The following CFDP1 variants were observed in gnomAD, a reference collection of about 807,000 sequenced individuals.
CFDP1 encodes chromatin remodeling protein CFDP1.
CFDP1 carries 31 observed loss-of-function variants against 40.1 expected under a neutral mutation model. The ratio of observed to expected loss-of-function variants is 0.77; its 90% confidence interval spans 0.58 to 1.04. CFDP1 has a LOEUF of 1.04. Among genes scored for constraint, CFDP1 ranks in the 50% least tolerant of loss-of-function variants. CFDP1 has a pLI of 0.00. For missense variants in CFDP1, 423 were observed against 343.4 expected (o/e 1.23, Z -1.83); for synonymous variants, 167 against 120.0 (o/e 1.39, Z -2.56).
intron 5 of CFDP1, among the ~76,000 whole-genome samples, chr16:75,321,351 T>G (rs1425913736): frequency 1.3e-5 from 2 of 152,150 alleles, no homozygotes; most frequent in Non-Finnish European, 2.9e-5. Flanking sequence ...ACTCAGTGGT[T>G]TTTAGTATAT....
chr16:75,406,841 A>G (rs980759313), intron 4 of CFDP1: 2 of 151,978 alleles, frequency 1.3e-5, no homozygotes, highest in Non-Finnish European at 2.9e-5. Context: ...CCTGGTCAAC[A>G]TGGTGACCAT....
intron 5 of CFDP1, among the ~76,000 whole-genome samples, chr16:75,329,037 C>T (rs981219403): frequency 9.2e-5 from 14 of 151,924 alleles, no homozygotes; most frequent in African/African-American, 3.1e-4. Context: ...TTAGTAGAGA[C>T]GGGGTTTCTC....
intron 5 of CFDP1, among the ~76,000 whole-genome samples, chr16:75,369,205 A>G (rs1051380605): frequency 6.6e-6 from 1 of 152,138 alleles, no homozygotes; most frequent in Non-Finnish European, 1.5e-5. Context: ...TGATTTCGTC[A>G]GGCATAGGAG....
intron 5 of CFDP1, among the ~76,000 whole-genome samples, chr16:75,306,905 A>G (rs1035006928): frequency 2.1e-4 from 31 of 148,616 alleles, no homozygotes; most frequent in South Asian, 1.1e-3. Context: ...ACACACACGC[A>G]CACACACACA....
At chr16:75,417,946 G>A (rs1368853315) in intron 1 of CFDP1, among the ~76,000 whole-genome samples, 1 of 151,926 alleles carries the variant, frequency 6.6e-6, no homozygotes, top group Non-Finnish European at 1.5e-5. Context: ...TAAGAGAAAT[G>A]ACACAATTAT....
intron 5 of CFDP1, among the ~76,000 whole-genome samples, chr16:75,326,914 G>A (rs576553293): frequency 6.6e-6 from 1 of 152,286 alleles, no homozygotes; most frequent in East Asian, 1.9e-4. Context: ...GACATGCAAA[G>A]TTTCAAAAAT....
intron 5 of CFDP1, among the ~76,000 whole-genome samples, chr16:75,362,522 G>C (rs8054815): frequency 0.031 from 4,742 of 152,254 alleles, 224 homozygotes; most frequent in African/African-American, 0.11. Flanking sequence ...TAGCTATGCT[G>C]ATTTTTGGTT....
At chr16:75,405,762 A>AC (rs958609545) in intron 4 of CFDP1, among the ~76,000 whole-genome samples, 8 of 148,974 alleles carry the variant, frequency 5.4e-5, no homozygotes, top group Non-Finnish European at 1.0e-4. Context: ...AAAAAAAAAA[A>AC]AAACAAATGA....
chr16:75,334,179 G>C (rs376125434), intron 5 of CFDP1, among the ~76,000 whole-genome samples: 1 of 151,566 alleles, frequency 6.6e-6, no homozygotes, highest in African/African-American at 2.4e-5. Flanking sequence ...TCCAAGACTT[G>C]ACTTGCCTCC....
At chr16:75,364,625 A>G (rs1257403100) in intron 5 of CFDP1, among the ~76,000 whole-genome samples, 1 of 152,200 alleles carries the variant, frequency 6.6e-6, no homozygotes, top group Non-Finnish European at 1.5e-5. Context: ...CAGATATTTA[A>G]AAGATTTGTA....
At chr16:75,378,142 G>A (rs2078817739) in intron 5 of CFDP1, among the ~76,000 whole-genome samples, 1 of 152,122 alleles carries the variant, frequency 6.6e-6, no homozygotes. Context: ...CAGGGTTTCT[G>A]TGCACTCTGA....
At position 75,428,732 on chromosome 16, in the gene CFDP1, GA is replaced by G. The variant is rs559270429; in HGVS notation, c.64+4556del. Among the ~76,000 whole-genome samples, 527 of 151,534 alleles carry G rather than the reference GA, an allele frequency of 3.5e-3. 4 individuals are homozygous for G. Among genetic ancestry groups the G allele is most frequent in the African/African-American group, 0.012 (508 of 41,344 alleles). On this transcript the variant is annotated intron_variant, in intron 1 of 6. Transcript: ENST00000283882. The stretch of plus-strand genomic sequence containing the variant: ...AGAGGAAAGAAAGGAAAAGGAAAAG[GA>G]AAAAAAATTATAGGAAAAAAAAGTT...
chr16:75,420,077 G>C (rs1485511806), intron 1 of CFDP1, among the ~76,000 whole-genome samples: 1 of 124,458 alleles, frequency 8.0e-6, no homozygotes, highest in Non-Finnish European at 1.6e-5. Flanking sequence ...AGGAATTTGA[G>C]TCCAGACTGA....
chr16:75,328,354 G>T (rs1716175554), intron 5 of CFDP1, among the ~76,000 whole-genome samples: 1 of 149,728 alleles, frequency 6.7e-6, no homozygotes, highest in South Asian at 2.1e-4. Flanking sequence ...GGAGGCCGAG[G>T]CAGGTGGATC....
chr16:75,414,784 G>A lies in CFDP1; in HGVS notation c.65-89C>T, dbSNP rs1020337393. 57 of 820,268 alleles carry A rather than the reference G, an allele frequency of 6.9e-5. No individual in the cohort carries two copies. In the African/African-American group the frequency reaches 8.9e-4, roughly 13 times the overall value. The allele number at this position is 820,268 out of a possible 1,614,324, so 50.8% of individuals were successfully genotyped here. A position where few individuals can be genotyped will look rare whatever the true frequency, so the allele number is the denominator to read the frequency against. On this transcript the variant is annotated intron_variant, in intron 1 of 6. Transcript: ENST00000283882. ...TCATTAATACAAGCTTTCACACCGA[G>A]ACATTTTCATTAAGAAAAAGTGAAT... is the stretch of plus-strand genomic sequence containing the variant.
At chr16:75,421,659 T>TA (rs553149009) in intron 1 of CFDP1, among the ~76,000 whole-genome samples, 1 of 152,094 alleles carries the variant, frequency 6.6e-6, no homozygotes, top group African/African-American at 2.4e-5. Context: ...ACAAGGTGAA[T>TA]AAAAAATCAC....
At chr16:75,423,229 C>T (rs1166259837) in intron 1 of CFDP1, among the ~76,000 whole-genome samples, 2 of 143,906 alleles carry the variant, frequency 1.4e-5, no homozygotes, top group East Asian at 2.2e-4. Context: ...GGCAGTGAAC[C>T]GAGATGGTGC....
rs139299894 is a variant in CFDP1, at chr16:75,315,811, T to C, written c.651-10629A>G. Reference sequence around the variant, plus strand: ...ACACCCAAGAAATTTAACATTGATATAATGACACAATATACAGTCCAATAT... The same window carrying C: ...ACACCCAAGAAATTTAACATTGATACAATGACACAATATACAGTCCAATAT... On this transcript the variant is annotated intron_variant, in intron 5 of 6. Transcript: ENST00000283882. 4.6e-5 allele frequency among the ~76,000 whole-genome samples: 7 copies of C among 152,300 alleles called. No homozygotes were observed. The East Asian group carries it at 1.2e-3, about 25-fold the overall frequency.
chr16:75,315,253 G>C (rs1032172854), intron 5 of CFDP1, among the ~76,000 whole-genome samples: 8 of 138,128 alleles, frequency 5.8e-5, no homozygotes, highest in Non-Finnish European at 9.1e-5. Context: ...GTTTGCTTGA[G>C]AACGGGAGGC....
Sources: gnomAD v4.1 joint callset for allele counts (sites outside exome capture counted in the v4.1 genomes callset) on GRCh38, gnomAD v4.1.1 for gene constraint, MANE v1.5 for transcripts, NCBI Gene and HGNC (gene_info 2026-07-23, HGNC 2026-07-21) for gene names.